The following OR1J2 variants were observed in gnomAD, a reference collection of about 807,000 sequenced individuals.
The protein encoded by OR1J2 is olfactory receptor family 1 subfamily J member 2, also known as olfactory receptor 1J2.
For synonymous variants in OR1J2, 142 were observed against 99.7 expected, an observed-to-expected ratio of 1.42 and a Z score of -2.52; for missense variants, 304 against 246.1, an observed-to-expected ratio of 1.24 and a Z score of -1.57.
chr9:122,579,247 T>C, the OR1J2 span, among the ~76,000 whole-genome samples: 7 of 152,004 alleles, frequency 4.6e-5, no homozygotes, highest in African/African-American at 1.7e-4. Flanking sequence ...TCTTAATAAT[T>C]ATAAATTTAA....
chr9:122,449,673 A>G, the OR1J2 span, among the ~76,000 whole-genome samples: 6 of 152,036 alleles, frequency 3.9e-5, no homozygotes, highest in South Asian at 1.0e-3. Context: ...CCGGCCTATG[A>G]GATGTATTTC....
At chr9:122,574,054 CTCTGTTCTG>C in the OR1J2 span, among the ~76,000 whole-genome samples, 1 of 152,076 alleles carries the variant, frequency 6.6e-6, no homozygotes, top group Non-Finnish European at 1.5e-5. Flanking sequence ...TTTCTTGGTT[CTCTGTTCTG>C]TACCATTGAT....
chr9:122,494,110 T>A, the OR1J2 span, among the ~76,000 whole-genome samples: 1 of 152,178 alleles, frequency 6.6e-6, no homozygotes. Flanking sequence ...TTGTATGGTC[T>A]ATTGGGAGAA....
the OR1J2 span, among the ~76,000 whole-genome samples, chr9:122,461,494 A>T: frequency 2.0e-5 from 3 of 151,894 alleles, no homozygotes; most frequent in Non-Finnish European, 2.9e-5. Context: ...CTCCAGTTAC[A>T]TGAGGTGTGA....
chr9:122,569,923 T>A, the OR1J2 span, among the ~76,000 whole-genome samples: 3,866 of 150,706 alleles, frequency 0.026, 126 homozygotes, highest in African/African-American at 0.09. Flanking sequence ...AGTGAGAATA[T>A]GCGGTGTTTG....
At chr9:122,448,276 C>G in the OR1J2 span, among the ~76,000 whole-genome samples, 1 of 152,160 alleles carries the variant, frequency 6.6e-6, no homozygotes, top group African/African-American at 2.4e-5. Context: ...ATGCTTTTCT[C>G]CACCTAAACA....
chr9:122,499,263 G>A, the OR1J2 span, among the ~76,000 whole-genome samples: 1 of 152,214 alleles, frequency 6.6e-6, no homozygotes, highest in Non-Finnish European at 1.5e-5. Flanking sequence ...TGTGGAGCAG[G>A]GAAACCTCCT....
the OR1J2 span, chr9:122,526,362 G>A: frequency 4.7e-6 from 7 of 1,488,696 alleles, no homozygotes; most frequent in Admixed American, 2.3e-5. Context: ...CCACATCTAA[G>A]AGGAAACAAT....
the OR1J2 span, among the ~76,000 whole-genome samples, chr9:122,543,140 T>C: frequency 6.2e-4 from 94 of 152,344 alleles, no homozygotes; most frequent in African/African-American, 2.0e-3. Flanking sequence ...AAAAATTCAT[T>C]TTCCAAAGCA....
chr9:122,553,921 G>A, the OR1J2 span: 4 of 1,613,986 alleles, frequency 2.5e-6, no homozygotes, highest in Admixed American at 6.7e-5. Flanking sequence ...CCTGGAGGGA[G>A]ATGGAAGGCC....
chr9:122,478,386 G>A, the OR1J2 span, among the ~76,000 whole-genome samples: 1 of 152,154 alleles, frequency 6.6e-6, no homozygotes, highest in Admixed American at 6.5e-5. Context: ...TGGAAACAAA[G>A]CAATTATTTG....
the OR1J2 span, among the ~76,000 whole-genome samples, chr9:122,495,397 C>T: frequency 2.6e-5 from 4 of 151,978 alleles, no homozygotes; most frequent in Non-Finnish European, 4.4e-5. Context: ...ATTATTTTTT[C>T]CTTGTCTTAG....
chr9:122,450,818 A>G, the OR1J2 span, among the ~76,000 whole-genome samples: 1 of 152,098 alleles, frequency 6.6e-6, no homozygotes, highest in East Asian at 1.9e-4. Context: ...TGACTGTTTT[A>G]GATTTCACAT....
the OR1J2 span, among the ~76,000 whole-genome samples, chr9:122,518,908 G>T: frequency 1.3e-5 from 2 of 152,124 alleles, no homozygotes; most frequent in Admixed American, 1.3e-4. Flanking sequence ...ACTAGACATG[G>T]CTGGTCTTCT....
the OR1J2 span, among the ~76,000 whole-genome samples, chr9:122,547,927 A>G: frequency 1.3e-5 from 2 of 152,052 alleles, no homozygotes; most frequent in Non-Finnish European, 1.5e-5. Flanking sequence ...TAAGTATTCA[A>G]TTTTCTCTGT....
chr9:122,562,609 C>T, the OR1J2 span, among the ~76,000 whole-genome samples: 1 of 151,616 alleles, frequency 6.6e-6, no homozygotes, highest in Non-Finnish European at 1.5e-5. Flanking sequence ...CCACACCACA[C>T]TGCACTTCCT....
the OR1J2 span, among the ~76,000 whole-genome samples, chr9:122,577,388 T>C: frequency 6.6e-6 from 1 of 152,206 alleles, no homozygotes; most frequent in African/African-American, 2.4e-5. Flanking sequence ...GTTTTACACA[T>C]ATGACCTCCA....
At chr9:122,551,337 G>A in the OR1J2 span, among the ~76,000 whole-genome samples, 1 of 152,134 alleles carries the variant, frequency 6.6e-6, no homozygotes, top group Admixed American at 6.5e-5. Context: ...GATATAAGTA[G>A]CTTTTTTTGA....
chr9:122,476,768 C>T, the OR1J2 span, among the ~76,000 whole-genome samples: 3 of 151,874 alleles, frequency 2.0e-5, no homozygotes, highest in Non-Finnish European at 2.9e-5. Context: ...TGCAGTGGCA[C>T]GATCTTGGCT....
Sources: gnomAD v4.1 joint callset for allele counts (sites outside exome capture counted in the v4.1 genomes callset) on GRCh38, gnomAD v4.1.1 for gene constraint, MANE v1.5 for transcripts, NCBI Gene and HGNC (gene_info 2026-07-23, HGNC 2026-07-21) for gene names.